Variants in CA10 observed in about 807,000 individuals in gnomAD.
CA10 encodes the protein carbonic anhydrase-related protein 10.
Under a neutral mutation model 44.2 loss-of-function variants are expected in CA10, and 14 were observed. The observed-to-expected ratio is 0.32, with a 90% CI of 0.21 to 0.50. The LOEUF (loss-of-function observed/expected upper bound fraction) is 0.50, where lower values mean the gene tolerates loss of function less well. Among genes scored for constraint, CA10 ranks in the 20% least tolerant of loss-of-function variants. The pLI, the probability that CA10 is intolerant of heterozygous loss-of-function variation, is 0.99. For synonymous variants in CA10, 159 were observed against 141.6 expected, an observed-to-expected ratio of 1.12 and a Z score of -0.87; for missense variants, 350 against 409.7, an observed-to-expected ratio of 0.85 and a Z score of 1.26.
chr17:52,050,814 T>C (rs1446276258), intron 2 of CA10, among the ~76,000 whole-genome samples: 2 of 152,102 alleles, frequency 1.3e-5, no homozygotes, highest in African/African-American at 4.8e-5. Context: ...TCATAGAATG[T>C]GCATACTTTG....
Position 51,717,765 on chromosome 17 carries a change from ATG to A in CA10, c.465+29866_465+29867del, listed in dbSNP as rs1916191111. 6.4e-5 allele frequency among the ~76,000 whole-genome samples: 5 copies of A among 78,132 alleles called. 1 individual carries two copies. The highest frequency in any genetic ancestry group is 2.3e-4 in the African/African-American group (5 of 22,174). The allele number at this position is 78,132 out of a possible 152,430, so 51.3% of individuals were successfully genotyped here. On this transcript the variant is annotated intron_variant, in intron 4 of 8. Coordinates refer to ENST00000451037, the MANE Select transcript of CA10 (RefSeq NM_020178.5). ...TATATACATGTATATATACGTATATATGTATACATATATGCATGTATATATGT... is the reference window on the plus strand; with the variant it reads ...TATATACATGTATATATACGTATATATATACATATATGCATGTATATATGT...
intron 2 of CA10, among the ~76,000 whole-genome samples, chr17:51,942,074 C>T (rs899567766): frequency 6.6e-6 from 1 of 152,096 alleles, no homozygotes; most frequent in Non-Finnish European, 1.5e-5. Context: ...TGAACTTAGC[C>T]TTACAGCCCA....
intron 3 of CA10, among the ~76,000 whole-genome samples, chr17:51,883,202 A>G (rs1185067144): frequency 2.0e-5 from 3 of 152,196 alleles, no homozygotes; most frequent in Admixed American, 6.5e-5. Context: ...ACACATACAT[A>G]AACACTCATG....
intron 3 of CA10, among the ~76,000 whole-genome samples, chr17:51,764,191 C>T (rs1340990631): frequency 6.6e-6 from 1 of 152,140 alleles, no homozygotes; most frequent in Non-Finnish European, 1.5e-5. Flanking sequence ...ACTGCTCATG[C>T]CAACAATCTT....
chr17:51,715,209 A>T (rs530439920), intron 4 of CA10, among the ~76,000 whole-genome samples: 20 of 152,056 alleles, frequency 1.3e-4, no homozygotes, highest in Non-Finnish European at 2.5e-4. Flanking sequence ...CACACCAGGG[A>T]CTGTTGTGGG....
At chr17:52,004,039 G>A (rs1237830261) in intron 2 of CA10, among the ~76,000 whole-genome samples, 5 of 151,714 alleles carry the variant, frequency 3.3e-5, no homozygotes, top group Non-Finnish European at 7.4e-5. Flanking sequence ...CTGCTTCCTC[G>A]TTACATTAAT....
intron 1 of CA10, among the ~76,000 whole-genome samples, chr17:52,147,759 T>C (rs1989619699): frequency 6.6e-6 from 1 of 152,232 alleles, no homozygotes; most frequent in South Asian, 2.1e-4. Flanking sequence ...GACATATTTC[T>C]ATCACACCCA....
intron 3 of CA10, among the ~76,000 whole-genome samples, chr17:51,819,425 A>T (rs957231754): frequency 6.6e-6 from 1 of 152,182 alleles, no homozygotes; most frequent in African/African-American, 2.4e-5. Flanking sequence ...GTCTTGAAGC[A>T]TTAAGCTTTG....
At chr17:52,041,872 A>G (rs1986778504) in intron 2 of CA10, among the ~76,000 whole-genome samples, 1 of 152,052 alleles carries the variant, frequency 6.6e-6, no homozygotes, top group South Asian at 2.1e-4. Context: ...GTTTCATCTT[A>G]TATAATGTCC....
chr17:51,633,755 T>G, intron 7 of CA10, 105 bp from the exon 8 acceptor site: 1 of 1,263,992 alleles, frequency 7.9e-7, no homozygotes, highest in South Asian at 1.5e-5. Context: ...ATTGGCTGTA[T>G]GAGGAAAGGG....
chr17:51,677,912 A>G (rs1358217434), intron 4 of CA10, among the ~76,000 whole-genome samples: 1 of 147,400 alleles, frequency 6.8e-6, no homozygotes, highest in African/African-American at 2.5e-5. Context: ...CTGCCAATTG[A>G]AAATAGGTAC....
At chr17:51,921,177 A>G (rs993228180) in intron 3 of CA10, among the ~76,000 whole-genome samples, 1 of 152,194 alleles carries the variant, frequency 6.6e-6, no homozygotes, top group Non-Finnish European at 1.5e-5. Context: ...CTGCTCATAC[A>G]GAATCAAAGT....
Position 52,157,952 on chromosome 17 carries a change from G to T in CA10, c.-166C>A. The T allele has an allele frequency of 1.2e-5, 8 of 671,120 alleles. No homozygotes were observed. Among genetic ancestry groups the T allele is most frequent in the South Asian group, 1.7e-5 (1 of 59,932 alleles). 41.6% of individuals were successfully genotyped at this position (671,120 alleles called of 1,614,324 possible). ...GACAGTCACCCCCAAGATCAATATC[G>T]CAGTTTGAATTGTTCCGGCAAATCT... On this transcript the variant is annotated 5_prime_UTR_variant, in exon 1 of 9. Transcript: ENST00000451037.
intron 4 of CA10, among the ~76,000 whole-genome samples, chr17:51,658,309 G>T (rs182528667): frequency 2.0e-5 from 3 of 152,302 alleles, no homozygotes; most frequent in Admixed American, 2.0e-4. Flanking sequence ...AGACTGAGAA[G>T]GTCTTTGTCC....
intron 3 of CA10, among the ~76,000 whole-genome samples, chr17:51,802,565 GAAAAA>G (rs754344655): frequency 1.1e-5 from 1 of 90,624 alleles, no homozygotes; most frequent in African/African-American, 4.4e-5. Context: ...CCTGATGTCT[GAAAAA>G]AAAAAAAAAA....
At chr17:51,812,585 G>A (rs1907414694) in intron 3 of CA10, among the ~76,000 whole-genome samples, 1 of 152,248 alleles carries the variant, frequency 6.6e-6, no homozygotes, top group Non-Finnish European at 1.5e-5. Flanking sequence ...AGCAAAGCTG[G>A]AGATCTCTGG....
intron 3 of CA10, among the ~76,000 whole-genome samples, chr17:51,878,514 G>A (rs1980191555): frequency 6.6e-6 from 1 of 152,006 alleles, no homozygotes; most frequent in African/African-American, 2.4e-5. Flanking sequence ...AGATTGAAAT[G>A]TATCCCTGGC....
intron 2 of CA10, among the ~76,000 whole-genome samples, chr17:51,968,154 T>C (rs1984150400): frequency 6.6e-6 from 1 of 151,894 alleles, no homozygotes; most frequent in African/African-American, 2.4e-5. Context: ...GTTTGATAAT[T>C]TGTTATAAAG....
At chr17:51,833,235 T>C (rs1189024318) in intron 3 of CA10, among the ~76,000 whole-genome samples, 1 of 152,216 alleles carries the variant, frequency 6.6e-6, no homozygotes, top group African/African-American at 2.4e-5. Flanking sequence ...GGGAGCCGGC[T>C]GGCCATTCTC....
Sources: allele counts gnomAD v4.1 joint callset (sites outside exome capture counted in the v4.1 genomes callset), GRCh38; gene constraint gnomAD v4.1.1; transcripts MANE v1.5; gene names NCBI Gene and HGNC (gene_info 2026-07-23, HGNC 2026-07-21).